The following ANAPC1 variants were observed in gnomAD, a reference collection of about 807,000 sequenced individuals.
ANAPC1 encodes the protein anaphase promoting complex subunit 1.
ANAPC1 carries 36 observed loss-of-function variants against 208.0 expected under a neutral mutation model. The observed-to-expected ratio is 0.17, with a 90% confidence interval of 0.13 to 0.23. The LOEUF (loss-of-function observed/expected upper bound fraction) is 0.23. Ranked by LOEUF, ANAPC1 falls within the 10% of genes least tolerant of loss-of-function variation. The pLI, the probability that ANAPC1 is intolerant of heterozygous loss-of-function variation, is 1.00. For synonymous variants in ANAPC1, 378 were observed against 695.2 expected, an observed-to-expected ratio of 0.54 and a Z score of 7.18; for missense variants, 942 against 2,011.6, an observed-to-expected ratio of 0.47 and a Z score of 10.17.
At chr2:111,840,050 C>T (rs1378872801) in intron 17 of ANAPC1, among the ~76,000 whole-genome samples, 1 of 152,122 alleles carries the variant, frequency 6.6e-6, no homozygotes, top group Non-Finnish European at 1.5e-5. Context: ...AGAAACCTGG[C>T]ATCATGCCTG....
chr2:111,858,026 T>C (rs1044036226), intron 11 of ANAPC1, among the ~76,000 whole-genome samples: 1 of 152,114 alleles, frequency 6.6e-6, no homozygotes, highest in Non-Finnish European at 1.5e-5. Flanking sequence ...CTAGCATGGT[T>C]GCCTGAGGCT....
chr2:111,882,900 G>T (rs1239221304), intron 1 of ANAPC1, among the ~76,000 whole-genome samples: 1 of 152,066 alleles, frequency 6.6e-6, no homozygotes, highest in Non-Finnish European at 1.5e-5. Context: ...GGGCGTGGTG[G>T]CTCACGCCTG....
rs553049930 is a variant in ANAPC1, at chr2:111,838,439, T to A, written c.2114A>T (p.Asp705Val). Reference protein sequence around the residue: ...KARPSETGSDDDWEYLLNSDY... With the variant: ...KARPSETGSDVDWEYLLNSDY... The stretch of plus-strand genomic sequence containing the variant: ...TTAGCAAGAAATAATAATGCTTACA[T>A]CATCAGATCCAGTCTCGGAAGGCCT... The change falls in exon 18 of 48, where the codon GAT becomes GTT. Residue 705 changes from aspartate to valine, a missense_variant and splice_region_variant. By Grantham distance (152) the Asp-to-Val change is radical (BLOSUM62 -3). Coordinates refer to ENST00000341068, the MANE Select transcript of ANAPC1 (RefSeq NM_022662.4). 51 of 1,599,922 alleles carry A rather than the reference T, an allele frequency of 3.2e-5. No individual in the cohort carries two copies. In the South Asian group the frequency reaches 5.3e-4, roughly 17 times the overall value.
At chr2:111,849,353 C>T (rs1681266714) in intron 14 of ANAPC1, among the ~76,000 whole-genome samples, 1 of 151,518 alleles carries the variant, frequency 6.6e-6, no homozygotes, top group Non-Finnish European at 1.5e-5. Flanking sequence ...TTCCAAATCA[C>T]ACAGAACACT....
chr2:111,826,251 C>T (rs191710215), intron 21 of ANAPC1, among the ~76,000 whole-genome samples: 2 of 152,242 alleles, frequency 1.3e-5, no homozygotes, highest in African/African-American at 4.8e-5. Context: ...TTTAGGTGTA[C>T]AGCTCTGTGA....
At position 111,777,164 on chromosome 2, in the gene ANAPC1, G is replaced by A. The variant is rs1169399413; in HGVS notation, c.5386-107C>T. ...TAAATGTGGCTCCGAATTATAAAGGGTCGGGGGGTGGTCCATTCTGTGTTT... is the reference window on the plus strand; with the variant it reads ...TAAATGTGGCTCCGAATTATAAAGGATCGGGGGGTGGTCCATTCTGTGTTT... On this transcript the variant is annotated intron_variant, in intron 45 of 47. Transcript: ENST00000341068. 227 of 628,118 alleles carry A rather than the reference G, an allele frequency of 3.6e-4. No homozygotes were observed. In the South Asian group the frequency reaches 4.3e-3, roughly 12 times the overall value. The allele number at this position is 628,118 out of a possible 1,614,324, so 38.9% of individuals were successfully genotyped here.
chr2:111,804,164 T>C (rs1188125190), intron 30 of ANAPC1, among the ~76,000 whole-genome samples: 1 of 147,614 alleles, frequency 6.8e-6, no homozygotes, highest in East Asian at 2.0e-4. Flanking sequence ...CTGTCATTAT[T>C]GTACTTAAGA....
chr2:111,828,945 T>C (rs1042359883), intron 21 of ANAPC1, among the ~76,000 whole-genome samples: 1 of 152,228 alleles, frequency 6.6e-6, no homozygotes, highest in Non-Finnish European at 1.5e-5. Context: ...CCGGGCACAG[T>C]GGCTCACGCC....
rs1275016845 is a variant in ANAPC1 at position 111,789,693 on chromosome 2, G to T, written c.4713-1373C>A. On this transcript the variant is annotated intron_variant, in intron 38 of 47. Transcript: ENST00000341068. ...ATACTAATGTTAGAAATTTTGGGTA[G>T]AAACATAATGGTGTAGCTATGCTAA... 2.0e-5 allele frequency among the ~76,000 whole-genome samples: 3 copies of T among 151,656 alleles called. No homozygotes were observed. The East Asian group carries it at 5.8e-4, about 29-fold the overall frequency.
chr2:111,859,874 C>G (rs1327161693), intron 10 of ANAPC1, among the ~76,000 whole-genome samples: 1 of 152,120 alleles, frequency 6.6e-6, no homozygotes, highest in Non-Finnish European at 1.5e-5. Flanking sequence ...AATACTTTCC[C>G]TTGAGTATAG....
chr2:111,882,936 G>A (rs571290471), intron 1 of ANAPC1, among the ~76,000 whole-genome samples: 9 of 152,144 alleles, frequency 5.9e-5, no homozygotes, highest in African/African-American at 1.9e-4. Flanking sequence ...GGGTGGCCGA[G>A]ACGGGTGGAT....
chr2:111,823,302 C>G (rs993530674), intron 24 of ANAPC1, among the ~76,000 whole-genome samples: 1 of 152,012 alleles, frequency 6.6e-6, no homozygotes, highest in African/African-American at 2.4e-5. Context: ...CAGGCATGAG[C>G]CACCGCGCCT....
intron 47 of ANAPC1, among the ~76,000 whole-genome samples, chr2:111,771,783 A>T (rs532173201): frequency 3.3e-5 from 5 of 151,790 alleles, no homozygotes; most frequent in South Asian, 2.1e-4. Flanking sequence ...ATCAAAAAAT[A>T]TTTTTTTTGA....
intron 13 of ANAPC1, among the ~76,000 whole-genome samples, chr2:111,853,324 T>C (rs931255355): frequency 6.6e-6 from 1 of 152,196 alleles, no homozygotes; most frequent in African/African-American, 2.4e-5. Flanking sequence ...TAGACCATTG[T>C]ATTTAATTAG....
intron 25 of ANAPC1, chr2:111,821,757 G>C: frequency 2.7e-6 from 1 of 376,852 alleles, no homozygotes; most frequent in Non-Finnish European, 5.0e-6. Context: ...AACATGGTGA[G>C]GATGATTTAA....
chr2:111,776,957 C>T lies in ANAPC1; in HGVS notation c.5486G>A (p.Arg1829Gln), dbSNP rs1250498501. The T allele has an allele frequency of 9.1e-6, 5 of 550,272 alleles. No individual in the cohort carries two copies. Among genetic ancestry groups the T allele is most frequent in the South Asian group, 2.0e-5 (1 of 48,992 alleles). The allele number at this position is 550,272 out of a possible 1,614,324, so 34.1% of individuals were successfully genotyped here. ...CCCCCGCTTAGGGTGGTTCTGCAGC[C>T]GCTCCTGATGGCTTCGGGAGCTGAA... ...EFFSSRSHQE[R>Q]LQNHPKRGLF... Residue 1829 changes from arginine (R) to glutamine (Q), a missense_variant, in exon 46 of 48, where the codon CGG becomes CAG. Arg to Gln is a conservative substitution (Grantham distance 43). Transcript: ENST00000341068.
rs541803459 is a variant in ANAPC1 at position 111,833,181 on chromosome 2, T to C, written c.2476+39A>G. 46 of 1,554,914 alleles carry C rather than the reference T, an allele frequency of 3.0e-5. No homozygotes were observed. In the African/African-American group the frequency reaches 5.3e-4, roughly 18 times the overall value. On this transcript the variant is annotated intron_variant, in intron 20 of 47. Coordinates refer to ENST00000341068, the MANE Select transcript of ANAPC1 (RefSeq NM_022662.4). Reference sequence around the variant, plus strand: ...TGAGAAAGATACAAGGAAATATCACTACACTGTTTAGAAAATATTTAAAAG... The same window carrying C: ...TGAGAAAGATACAAGGAAATATCACCACACTGTTTAGAAAATATTTAAAAG...
intron 17 of ANAPC1, among the ~76,000 whole-genome samples, chr2:111,841,198 ACT>A (rs1680741749): frequency 6.6e-6 from 1 of 152,032 alleles, no homozygotes; most frequent in Non-Finnish European, 1.5e-5. Context: ...ACAAATGTTC[ACT>A]GAGTATCCTT....
At chr2:111,859,414 T>G (rs1001325415) in intron 10 of ANAPC1, among the ~76,000 whole-genome samples, 24 of 151,988 alleles carry the variant, frequency 1.6e-4, no homozygotes, top group Non-Finnish European at 2.9e-4. Context: ...GAGGTTGCGG[T>G]GAGCCAAGAT....
Sources: allele counts gnomAD v4.1 joint callset (sites outside exome capture counted in the v4.1 genomes callset), GRCh38; gene constraint gnomAD v4.1.1; transcripts MANE v1.5; gene names NCBI Gene and HGNC (gene_info 2026-07-23, HGNC 2026-07-21).